Variants in DLGAP2 observed in about 807,000 individuals in gnomAD.
DLGAP2 encodes the protein disks large-associated protein 2.
In DLGAP2, 26 loss-of-function variants were observed where a neutral mutation model predicts 100.3. That is an observed-to-expected ratio of 0.26 (90% CI 0.19 to 0.36). DLGAP2 has a LOEUF of 0.36. Ranked by LOEUF, DLGAP2 falls within the 10% of genes least tolerant of loss-of-function variation. The pLI is 1.00. For synonymous variants in DLGAP2, 886 were observed against 630.1 expected (o/e 1.41, Z -6.08); for missense variants, 1,858 against 1,453.2 (o/e 1.28, Z -4.53).
intron 13 of DLGAP2, among the ~76,000 whole-genome samples, chr8:1,693,945 T>C (rs1373959844): frequency 6.6e-6 from 1 of 152,352 alleles, no homozygotes; most frequent in Admixed American, 6.5e-5. Context: ...TGACGAACTC[T>C]GTGTAACATT....
chr8:1,046,863 G>A (rs1473756996), intron 2 of DLGAP2, among the ~76,000 whole-genome samples: 1 of 151,868 alleles, frequency 6.6e-6, no homozygotes, highest in Non-Finnish European at 1.5e-5. Flanking sequence ...CTAGCCATCT[G>A]GGGTCAAGGC....
chr8:1,704,076 T>C lies in DLGAP2; in HGVS notation c.*2670T>C, dbSNP rs1448629968. 2 of 152,630 alleles carry C rather than the reference T, an allele frequency of 1.3e-5. No individual in the cohort carries two copies. The highest frequency in any genetic ancestry group is 1.3e-4 in the Admixed American group (2 of 15,286). 9.5% of individuals were successfully genotyped at this position (152,630 alleles called of 1,614,324 possible). Reference sequence around the variant, plus strand: ...GAAGATAAGCCATGTTTCTGTATTGTACATGTAAAGAAAAATAAAACTGTT... The same window carrying C: ...GAAGATAAGCCATGTTTCTGTATTGCACATGTAAAGAAAAATAAAACTGTT... On this transcript the variant is annotated 3_prime_UTR_variant, in exon 15 of 15. Coordinates refer to ENST00000637795, the MANE Select transcript of DLGAP2 (RefSeq NM_001346810.2).
chr8:1,213,253 A>G (rs924211889), intron 2 of DLGAP2, among the ~76,000 whole-genome samples: 1 of 152,202 alleles, frequency 6.6e-6, no homozygotes, highest in Non-Finnish European at 1.5e-5. Context: ...CAAGTCAACA[A>G]CAGGCTTCAG....
At chr8:1,063,521 CTTT>C (rs34456280) in intron 2 of DLGAP2, among the ~76,000 whole-genome samples, 81 of 111,340 alleles carry the variant, frequency 7.3e-4, no homozygotes, top group Non-Finnish European at 1.1e-3. Context: ...AGTATACTGG[CTTT>C]TTTTTTTTTT....
Position 865,074 on chromosome 8 carries a change from G to C in DLGAP2, c.19-42838G>C, listed in dbSNP as rs540202577. ...GGAAATGATATTGTTTTCAATCTCA[G>C]CTATGCGGTCTCATGGCCGCTGTCC... On this transcript the variant is annotated intron_variant, in intron 1 of 14. Transcript: ENST00000637795. Among the ~76,000 whole-genome samples the C allele has an allele frequency of 1.2e-4, 19 of 152,260 alleles. No homozygotes were observed. In the South Asian group the frequency reaches 3.9e-3, roughly 32 times the overall value.
intron 2 of DLGAP2, among the ~76,000 whole-genome samples, chr8:1,071,546 A>G (rs1803431794): frequency 6.6e-6 from 1 of 152,164 alleles, no homozygotes; most frequent in Non-Finnish European, 1.5e-5. Context: ...TGTGCCTTTC[A>G]CAAAACAGCG....
chr8:1,504,082 G>T (rs1263950388), intron 4 of DLGAP2, among the ~76,000 whole-genome samples: 5 of 151,946 alleles, frequency 3.3e-5, no homozygotes, highest in African/African-American at 4.9e-5. Context: ...TCTTGACCCT[G>T]GTTCTATGTC....
chr8:1,134,565 T>G (rs1361891963), intron 2 of DLGAP2, among the ~76,000 whole-genome samples: 1 of 152,198 alleles, frequency 6.6e-6, no homozygotes, highest in Non-Finnish European at 1.5e-5. Flanking sequence ...TTAATCATAT[T>G]AATAATGTAA....
intron 4 of DLGAP2, among the ~76,000 whole-genome samples, chr8:1,512,890 G>T (rs1340149850): frequency 1.3e-5 from 2 of 152,260 alleles, no homozygotes; most frequent in Non-Finnish European, 2.9e-5. Context: ...CCGGGTCATG[G>T]TCGCACCGCC....
intron 2 of DLGAP2, among the ~76,000 whole-genome samples, chr8:1,006,441 C>T (rs1801112223): frequency 7.2e-6 from 1 of 138,706 alleles, no homozygotes; most frequent in Admixed American, 7.4e-5. Context: ...GTCGGGGGCG[C>T]CCTGCATCTC....
At chr8:984,475 T>C (rs1294412791) in intron 2 of DLGAP2, among the ~76,000 whole-genome samples, 1 of 152,100 alleles carries the variant, frequency 6.6e-6, no homozygotes, top group Non-Finnish European at 1.5e-5. Flanking sequence ...TGGGCCTAGG[T>C]TTATCTTGGT....
chr8:917,511 T>A (rs1798619951), intron 2 of DLGAP2, among the ~76,000 whole-genome samples: 1 of 152,156 alleles, frequency 6.6e-6, no homozygotes, highest in South Asian at 2.1e-4. Flanking sequence ...GTGCTGGAAT[T>A]ACAGGTGCGA....
At chr8:1,311,329 A>C (rs1253502275) in intron 3 of DLGAP2, among the ~76,000 whole-genome samples, 2 of 152,250 alleles carry the variant, frequency 1.3e-5, no homozygotes, top group East Asian at 1.9e-4. Context: ...AGATACGTTC[A>C]CTGGTGAATT....
intron 2 of DLGAP2, among the ~76,000 whole-genome samples, chr8:1,157,704 AAAT>A (rs1398009194): frequency 6.6e-6 from 1 of 152,174 alleles, no homozygotes; most frequent in Non-Finnish European, 1.5e-5. Flanking sequence ...CTCTTAATAA[AAAT>A]AACACATGGC....
intron 2 of DLGAP2, among the ~76,000 whole-genome samples, chr8:1,008,524 A>G (rs1240296455): frequency 1.3e-5 from 2 of 152,278 alleles, no homozygotes; most frequent in Admixed American, 1.3e-4. Flanking sequence ...ATGCATTATA[A>G]TTTCCGATGG....
intron 2 of DLGAP2, among the ~76,000 whole-genome samples, chr8:1,024,680 G>C (rs1801739913): frequency 6.6e-6 from 1 of 152,202 alleles, no homozygotes; most frequent in South Asian, 2.1e-4. Context: ...GGAGTGCGGT[G>C]GGTTTGTTCT....
intron 2 of DLGAP2, among the ~76,000 whole-genome samples, chr8:1,007,632 T>TG (rs1306785255): frequency 4.0e-5 from 5 of 126,244 alleles, no homozygotes; most frequent in African/African-American, 1.2e-4. Flanking sequence ...TAGTTTTTTT[T>TG]TTTGGGGGGG....
intron 1 of DLGAP2, among the ~76,000 whole-genome samples, chr8:854,902 C>T (rs772988239): frequency 7.2e-5 from 11 of 152,208 alleles, no homozygotes; most frequent in African/African-American, 1.9e-4. Context: ...TAGTGAGGAA[C>T]GGCATGCCCG....
intron 3 of DLGAP2, among the ~76,000 whole-genome samples, chr8:1,499,307 G>A (rs745363935): frequency 1.3e-5 from 2 of 152,134 alleles, no homozygotes; most frequent in Admixed American, 6.5e-5. Flanking sequence ...CTTCAAGTCC[G>A]CCCTGTGAGA....
Sources: gnomAD v4.1 joint callset for allele counts (sites outside exome capture counted in the v4.1 genomes callset) on GRCh38, gnomAD v4.1.1 for gene constraint, MANE v1.5 for transcripts, NCBI Gene and HGNC (gene_info 2026-07-23, HGNC 2026-07-21) for gene names.